ELL2: variants seen among roughly 807,000 people sequenced by gnomAD.
The protein encoded by ELL2 is RNA polymerase II elongation factor ELL2.
A neutral mutation model predicts 72.8 loss-of-function variants in ELL2; 21 were observed. That is an observed-to-expected ratio of 0.29 (90% CI 0.20 to 0.42). The LOEUF is 0.42. ELL2 is among the 10% of genes least tolerant of loss of function. The probability of loss-of-function intolerance (pLI) is 1.00; values close to 1 mark genes in which losing one functional copy is unlikely to be tolerated. For missense variants in ELL2, 568 were observed against 772.8 expected, an observed-to-expected ratio of 0.73 and a Z score of 3.14; for synonymous variants, 266 against 283.2, an observed-to-expected ratio of 0.94 and a Z score of 0.61.
At chr5:95,953,622 G>A (rs750033765) in intron 1 of ELL2, among the ~76,000 whole-genome samples, 6 of 152,134 alleles carry the variant, frequency 3.9e-5, no homozygotes, top group East Asian at 1.9e-4. Flanking sequence ...AGAAACAAGC[G>A]CTCATAATAG....
Position 95,950,933 on chromosome 5 carries a change from TATATATATATATATA to T in ELL2, c.148-7899_148-7885del, listed in dbSNP as rs1561515430. On this transcript the variant is annotated intron_variant, in intron 1 of 11. Transcript: ENST00000237853. ...ATATATATATATATATATATATATA[TATATATATATATATA>T]TATATAAAATCTTCATATATATGGT... Among the ~76,000 whole-genome samples the T allele has an allele frequency of 7.3e-5, 9 of 123,838 alleles. 1 individual carries two copies. The East Asian group carries it at 1.2e-3, about 17-fold the overall frequency. The allele number at this position is 123,838 out of a possible 152,430, so 81.2% of individuals were successfully genotyped here. A position where few individuals can be genotyped will look rare whatever the true frequency, so the allele number is the denominator to read the frequency against.
intron 1 of ELL2, among the ~76,000 whole-genome samples, chr5:95,945,820 A>G (rs1751136092): frequency 6.6e-6 from 1 of 152,206 alleles, no homozygotes; most frequent in Non-Finnish European, 1.5e-5. Context: ...CACTTGAAAT[A>G]CAACAGCAAG....
rs1230273409 is a variant in ELL2, at chr5:95,906,548, T to C, written c.716A>G (p.Asn239Ser). The part of the protein sequence containing the change: ...QKDGVNQKDK[N>S]SLGAILQQVA... The stretch of plus-strand genomic sequence containing the variant: ...CTGTTGCAGAATTGCTCCCAGGGAG[T>C]TCTTGTCTTTTTGATTGACACCATC... Residue 239 changes from asparagine (N) to serine (S), a missense_variant, in exon 5 of 12, where the codon AAC (asparagine) becomes AGC (serine). Coordinates refer to ENST00000237853, the MANE Select transcript of ELL2 (RefSeq NM_012081.6). The C allele has an allele frequency of 6.2e-7, 1 of 1,612,594 alleles. No homozygotes were observed. The highest frequency in any genetic ancestry group is 1.7e-5 in the Admixed American group (1 of 59,888).
intron 4 of ELL2, among the ~76,000 whole-genome samples, chr5:95,912,311 T>G (rs1749636400): frequency 6.6e-6 from 1 of 152,202 alleles, no homozygotes; most frequent in Non-Finnish European, 1.5e-5. Context: ...GAGGGTTTTT[T>G]TTTCAGCTAG....
intron 3 of ELL2, among the ~76,000 whole-genome samples, chr5:95,918,878 TTTTTTTTTTTTTC>T (rs1388752911): frequency 1.7e-5 from 1 of 58,970 alleles, no homozygotes; most frequent in Non-Finnish European, 2.9e-5. Flanking sequence ...TTCCTCCTCC[TTTTTTTTTTTTTC>T]TTTTTTTTTA....
intron 5 of ELL2, among the ~76,000 whole-genome samples, chr5:95,905,181 C>G (rs142057789): frequency 2.6e-4 from 39 of 152,104 alleles, no homozygotes; most frequent in African/African-American, 8.4e-4. Context: ...ATGATCAACA[C>G]TAATAACTCT....
At chr5:95,941,262 A>G (rs1421587603) in intron 2 of ELL2, among the ~76,000 whole-genome samples, 1 of 152,214 alleles carries the variant, frequency 6.6e-6, no homozygotes, top group Non-Finnish European at 1.5e-5. Flanking sequence ...AGTGAACTAT[A>G]CCAAGGCAAG....
chr5:95,895,753 A>C (rs1748850780), intron 8 of ELL2, 62 bp from the exon 9 acceptor site: 5 of 1,248,050 alleles, frequency 4.0e-6, no homozygotes, highest in Non-Finnish European at 1.2e-6. Flanking sequence ...AAATGCCTGT[A>C]ATTCTAAAAT....
chr5:95,936,852 T>C (rs1750794888), intron 2 of ELL2, among the ~76,000 whole-genome samples: 3 of 152,172 alleles, frequency 2.0e-5, no homozygotes. Flanking sequence ...AATAACTCAA[T>C]TCTACAAGTT....
chr5:95,947,134 T>C (rs1411526759), intron 1 of ELL2, among the ~76,000 whole-genome samples: 1 of 152,204 alleles, frequency 6.6e-6, no homozygotes, highest in African/African-American at 2.4e-5. Flanking sequence ...GGTTGTCTTA[T>C]TCCTGATTGT....
At chr5:95,895,557 A>G in intron 9 of ELL2, 71 bp downstream of exon 9, 2 of 1,451,372 alleles carry the variant, frequency 1.4e-6, no homozygotes, top group Non-Finnish European at 1.9e-6. Flanking sequence ...TGATTTGCAA[A>G]TTATGGGAAA....
At chr5:95,940,622 G>T (rs1426283953) in intron 2 of ELL2, among the ~76,000 whole-genome samples, 1 of 151,850 alleles carries the variant, frequency 6.6e-6, no homozygotes, top group Non-Finnish European at 1.5e-5. Flanking sequence ...TGACAGTTAA[G>T]GTACAATTTC....
At chr5:95,961,434 G>T in intron 1 of ELL2, 141 bp downstream of exon 1, 1 of 1,084,002 alleles carries the variant, frequency 9.2e-7, no homozygotes, top group Non-Finnish European at 1.2e-6. Context: ...ACCCTGCCCG[G>T]CCCTGCCCTG....
chr5:95,938,566 A>C (rs1005217573), intron 2 of ELL2, among the ~76,000 whole-genome samples: 3 of 152,028 alleles, frequency 2.0e-5, no homozygotes, highest in African/African-American at 7.2e-5. Context: ...CTACAACAAC[A>C]ACAAAAAATT....
At chr5:95,950,907 T>C (rs1205879687) in intron 1 of ELL2, among the ~76,000 whole-genome samples, 1,269 of 10,292 alleles carry the variant, frequency 0.12, 86 homozygotes, top group African/African-American at 0.29. Context: ...TGTATGTGTA[T>C]ATATATATAT....
At chr5:95,953,939 T>C (rs1244909783) in intron 1 of ELL2, among the ~76,000 whole-genome samples, 1 of 152,190 alleles carries the variant, frequency 6.6e-6, no homozygotes, top group African/African-American at 2.4e-5. Context: ...TATCAGTGCT[T>C]TATGATGGCC....
At chr5:95,894,625 T>G (rs1359805190) in intron 9 of ELL2, among the ~76,000 whole-genome samples, 1 of 152,190 alleles carries the variant, frequency 6.6e-6, no homozygotes, top group Non-Finnish European at 1.5e-5. Flanking sequence ...CTACCTCAGA[T>G]GAGAGGGTAC....
intron 2 of ELL2, among the ~76,000 whole-genome samples, chr5:95,940,279 G>C (rs1438374142): frequency 6.6e-6 from 1 of 152,158 alleles, no homozygotes; most frequent in Non-Finnish European, 1.5e-5. Flanking sequence ...ATGACTTTCA[G>C]AATTTCTACT....
intron 4 of ELL2, chr5:95,913,490 A>G (rs1749677873): frequency 8.5e-6 from 2 of 235,404 alleles, no homozygotes; most frequent in Non-Finnish European, 8.1e-6. Flanking sequence ...CACGATTGCA[A>G]CTTCACGCAG....
Sources: allele counts gnomAD v4.1 joint callset (sites outside exome capture counted in the v4.1 genomes callset), GRCh38; gene constraint gnomAD v4.1.1; transcripts MANE v1.5; gene names NCBI Gene and HGNC (gene_info 2026-07-23, HGNC 2026-07-21).